The following ZNRF3 variants were observed in gnomAD, a reference collection of about 807,000 sequenced individuals.
ZNRF3 encodes the protein E3 ubiquitin-protein ligase ZNRF3.
A neutral mutation model predicts 72.5 loss-of-function variants in ZNRF3; 23 were observed. The ratio of observed to expected loss-of-function variants is 0.32; its 90% confidence interval spans 0.23 to 0.45. The LOEUF (loss-of-function observed/expected upper bound fraction) is 0.45. Among genes scored for constraint, ZNRF3 ranks in the 20% least tolerant of loss-of-function variants. ZNRF3 has a pLI of 1.00. For missense variants in ZNRF3, 1,169 were observed against 1,272.1 expected (o/e 0.92, Z 1.23); for synonymous variants, 610 against 545.3 (o/e 1.12, Z -1.65).
chr22:28,898,472 T>C (rs1439193249), intron 1 of ZNRF3, among the ~76,000 whole-genome samples: 11 of 152,248 alleles, frequency 7.2e-5, no homozygotes, highest in Non-Finnish European at 1.2e-4. Context: ...GGGAACATTG[T>C]TCAGAACATG....
chr22:29,012,979 T>A (rs901667168), intron 2 of ZNRF3, among the ~76,000 whole-genome samples: 1 of 152,224 alleles, frequency 6.6e-6, no homozygotes, highest in Non-Finnish European at 1.5e-5. Context: ...ATCAGTTCTG[T>A]CCTTTGAGTT....
At chr22:28,946,488 A>G (rs2035054394) in intron 1 of ZNRF3, among the ~76,000 whole-genome samples, 2 of 152,268 alleles carry the variant, frequency 1.3e-5, no homozygotes, top group Non-Finnish European at 2.9e-5. Flanking sequence ...CCTGACTTCA[A>G]AATGACTTAC....
rs912801795 is a variant in ZNRF3, at chr22:29,053,568, C to G, written c.2768-11C>G. 4.3e-6 allele frequency: 7 copies of G among 1,612,288 alleles called. No homozygotes were observed. The highest frequency in any genetic ancestry group is 2.7e-5 in the African/African-American group (2 of 74,606). On this transcript the variant is annotated splice_polypyrimidine_tract_variant and intron_variant, in intron 8 of 8. Coordinates refer to ENST00000544604, the MANE Select transcript of ZNRF3 (RefSeq NM_001206998.2). Reference sequence around the variant, plus strand: ...CTCCCTCCCCTGATGATTGTTCTCTCTCTTTCCCAGGACCGAGATCTCACT... The same window carrying G: ...CTCCCTCCCCTGATGATTGTTCTCTGTCTTTCCCAGGACCGAGATCTCACT...
chr22:28,920,373 C>A (rs369149712), intron 1 of ZNRF3, among the ~76,000 whole-genome samples: 2 of 152,216 alleles, frequency 1.3e-5, no homozygotes, highest in South Asian at 4.2e-4. Context: ...CGGGTTCAAA[C>A]GATTCTCGTG....
chr22:28,911,805 G>T (rs2034324422), intron 1 of ZNRF3, among the ~76,000 whole-genome samples: 1 of 152,102 alleles, frequency 6.6e-6, no homozygotes, highest in Non-Finnish European at 1.5e-5. Context: ...ACTGCCCTGG[G>T]TTTCAGAAGG....
At chr22:28,932,383 G>T (rs189052013) in intron 1 of ZNRF3, among the ~76,000 whole-genome samples, 2 of 152,126 alleles carry the variant, frequency 1.3e-5, no homozygotes, top group Admixed American at 6.5e-5. Flanking sequence ...TCAGTGATCC[G>T]CATGAGTGGA....
intron 1 of ZNRF3, among the ~76,000 whole-genome samples, chr22:28,890,986 G>T (rs1569235392): frequency 1.3e-5 from 2 of 152,064 alleles, no homozygotes; most frequent in Non-Finnish European, 2.9e-5. Context: ...TGCACTCCTG[G>T]CCTCAAGTGA....
At chr22:29,040,380 C>T (rs1278266733) in intron 2 of ZNRF3, among the ~76,000 whole-genome samples, 1 of 152,140 alleles carries the variant, frequency 6.6e-6, no homozygotes, top group Non-Finnish European at 1.5e-5. Context: ...AGGCTTTCAC[C>T]ATGTTGGCCA....
chr22:28,986,075 C>G (rs1340550205), intron 1 of ZNRF3, among the ~76,000 whole-genome samples: 1 of 152,212 alleles, frequency 6.6e-6, no homozygotes, highest in South Asian at 2.1e-4. Flanking sequence ...TGTGATTGCA[C>G]TGGACCAACC....
chr22:28,990,997 A>C (rs1171352216), intron 2 of ZNRF3, among the ~76,000 whole-genome samples: 1 of 151,800 alleles, frequency 6.6e-6, no homozygotes, highest in Non-Finnish European at 1.5e-5. Flanking sequence ...GGAAAACAGC[A>C]TGGGCCAGGC....
chr22:28,930,400 G>A (rs1360801501), intron 1 of ZNRF3, among the ~76,000 whole-genome samples: 11 of 152,148 alleles, frequency 7.2e-5, no homozygotes, highest in African/African-American at 2.7e-4. Context: ...GCAGGCTGAA[G>A]TTATAGGTCT....
rs1280201518 is a variant in ZNRF3 at position 29,055,727 on chromosome 22, G to A, written c.*2105G>A. On this transcript the variant is annotated 3_prime_UTR_variant, in exon 9 of 9. Coordinates refer to ENST00000544604, the MANE Select transcript of ZNRF3 (RefSeq NM_001206998.2). ...AGCAGCTTGCATTGCGTGGTTTTAG[G>A]GAAGCAGGGTCTGGCTTTTAATATG... 1 of 152,266 alleles carries A rather than the reference G, an allele frequency of 6.6e-6. No homozygotes were observed. Among genetic ancestry groups the A allele is most frequent in the East Asian group, 1.9e-4 (1 of 5,206 alleles). The allele number at this position is 152,266 out of a possible 1,614,324, so 9.4% of individuals were successfully genotyped here.
chr22:28,969,034 C>T (rs961874235), intron 1 of ZNRF3, among the ~76,000 whole-genome samples: 1 of 152,166 alleles, frequency 6.6e-6, no homozygotes, highest in Admixed American at 6.5e-5. Flanking sequence ...GGCCCACATG[C>T]AGGCTGTAGA....
chr22:28,902,543 G>T (rs2034128401), intron 1 of ZNRF3, among the ~76,000 whole-genome samples: 1 of 152,074 alleles, frequency 6.6e-6, no homozygotes, highest in East Asian at 1.9e-4. Context: ...GCTGATTTTT[G>T]TATTTTTCAC....
intron 1 of ZNRF3, among the ~76,000 whole-genome samples, chr22:28,898,361 A>T (rs868043019): frequency 6.6e-6 from 1 of 152,204 alleles, no homozygotes; most frequent in Non-Finnish European, 1.5e-5. Context: ...CCAGACTCTC[A>T]AAATAATTTC....
chr22:28,942,397 A>G (rs2034964087), intron 1 of ZNRF3, among the ~76,000 whole-genome samples: 1 of 152,208 alleles, frequency 6.6e-6, no homozygotes, highest in Non-Finnish European at 1.5e-5. Context: ...AAGCCTTGGT[A>G]GCAACCAGAA....
At chr22:28,976,642 GT>G (rs1475815752) in intron 1 of ZNRF3, among the ~76,000 whole-genome samples, 1 of 152,122 alleles carries the variant, frequency 6.6e-6, no homozygotes, top group Non-Finnish European at 1.5e-5. Flanking sequence ...TCTTTGATGT[GT>G]TTAAGCACCT....
intron 1 of ZNRF3, among the ~76,000 whole-genome samples, chr22:28,890,515 A>G (rs1360920833): frequency 2.0e-5 from 3 of 152,186 alleles, no homozygotes; most frequent in Admixed American, 6.5e-5. Flanking sequence ...AAAAAAAATA[A>G]AAAGAAATCT....
intron 1 of ZNRF3, among the ~76,000 whole-genome samples, chr22:28,911,457 C>G (rs1377701694): frequency 6.6e-6 from 1 of 152,184 alleles, no homozygotes; most frequent in African/African-American, 2.4e-5. Flanking sequence ...GGGCAGTTTT[C>G]CAGCAGTCAC....
Sources: gnomAD v4.1 joint callset for allele counts (sites outside exome capture counted in the v4.1 genomes callset) on GRCh38, gnomAD v4.1.1 for gene constraint, MANE v1.5 for transcripts, NCBI Gene and HGNC (gene_info 2026-07-23, HGNC 2026-07-21) for gene names.